HMCN2: variants seen among roughly 807,000 people sequenced by gnomAD.
The protein encoded by HMCN2 is hemicentin 2, also known as hemicentin-2.
Under a neutral mutation model 377.5 loss-of-function variants are expected in HMCN2, and 325 were observed. The ratio of observed to expected loss-of-function variants is 0.86; its 90% CI spans 0.79 to 0.94. The LOEUF (loss-of-function observed/expected upper bound fraction) is 0.94. Ranked by LOEUF, HMCN2 falls within the 40% of genes least tolerant of loss-of-function variation. The probability of loss-of-function intolerance (pLI) is 0.00; values close to 1 mark genes in which losing one functional copy is unlikely to be tolerated. For missense variants in HMCN2, 4,543 were observed against 4,725.3 expected, an observed-to-expected ratio of 0.96 and a Z score of 1.13; for synonymous variants, 2,007 against 2,046.8, an observed-to-expected ratio of 0.98 and a Z score of 0.53.
At chr9:130,293,307 CTTG>C (rs1478118481) in intron 4 of HMCN2, among the ~76,000 whole-genome samples, 2 of 28,838 alleles carry the variant, frequency 6.9e-5, no homozygotes, top group African/African-American at 3.6e-4. Flanking sequence ...TTTTGCGGTT[CTTG>C]TTGTCCTCCT....
rs982696434 is a variant in HMCN2 at position 130,369,747 on chromosome 9, G to A, written c.6965G>A (p.Ser2322Asn). 4.1e-6 allele frequency: 4 copies of A among 985,976 alleles called. No homozygotes were observed. The highest frequency in any genetic ancestry group is 1.7e-5 in the African/African-American group (1 of 57,392). The allele number at this position is 985,976 out of a possible 1,614,324, so 61.1% of individuals were successfully genotyped here. The change falls in exon 45 of 98, where the codon AGC becomes AAC. Residue 2322 changes from serine to asparagine, a missense_variant. By Grantham distance (46) the Ser-to-Asn change is conservative. This residue lies in a region of HMCN2 where 1,032 missense variants were observed against 1,285.1 expected (regional missense o/e 0.80). Transcript: ENST00000683500. This position sits in a 1 kb window ranked among gnomAD's most constrained non-coding sequence, Gnocchi z 4.5. Reference sequence around the variant, plus strand: ...CTGCAGCTGCAGAACCAGGGTCAGAGCCTGCATGTGGAGCGGGCCCAGGCT... The same window carrying A: ...CTGCAGCTGCAGAACCAGGGTCAGAACCTGCATGTGGAGCGGGCCCAGGCT... ...LGLQLQNQGQ[S>N]LHVERAQAAH...
At chr9:130,267,476 A>ACACACACACACACGCG (rs1265312371) in intron 1 of HMCN2, among the ~76,000 whole-genome samples, 1 of 149,818 alleles carries the variant, frequency 6.7e-6, no homozygotes, top group African/African-American at 2.5e-5. Flanking sequence ...ACACACACAC[A>ACACACACACACACGCG]CGCACAGATT....
intron 85 of HMCN2, among the ~76,000 whole-genome samples, chr9:130,412,000 C>G (rs776172709): frequency 5.3e-5 from 8 of 152,206 alleles, no homozygotes; most frequent in African/African-American, 9.6e-5. Context: ...GAGACAGGGT[C>G]TGGCTCTGTT....
At chr9:130,314,240 G>T (rs1837423197) in intron 15 of HMCN2, among the ~76,000 whole-genome samples, 1 of 152,200 alleles carries the variant, frequency 6.6e-6, no homozygotes, top group African/African-American at 2.4e-5. Context: ...GGGAGTTGGG[G>T]AGAAATGGGC....
intron 48 of HMCN2, among the ~76,000 whole-genome samples, chr9:130,373,493 C>T (rs1450939786): frequency 1.3e-5 from 2 of 151,768 alleles, no homozygotes; most frequent in African/African-American, 4.8e-5. Flanking sequence ...TCTTGAAGAC[C>T]CAGCTGCTGC....
At chr9:130,426,239 C>T (rs1844355442) in intron 90 of HMCN2, among the ~76,000 whole-genome samples, 1 of 152,220 alleles carries the variant, frequency 6.6e-6, no homozygotes, top group Non-Finnish European at 1.5e-5. Flanking sequence ...CCGCCCTCTT[C>T]TCCCGAGGGC....
intron 1 of HMCN2, among the ~76,000 whole-genome samples, chr9:130,281,820 G>A (rs1172230334): frequency 6.6e-6 from 1 of 150,976 alleles, no homozygotes; most frequent in African/African-American, 2.4e-5. Flanking sequence ...AACCCAGGAG[G>A]CGGAGGCTGC....
Position 130,433,750 on chromosome 9 carries a change from G to T in HMCN2, c.*57G>T. The T allele has an allele frequency of 7.5e-7, 1 of 1,326,508 alleles. No individual in the cohort carries two copies. The allele number at this position is 1,326,508 out of a possible 1,614,324, so 82.2% of individuals were successfully genotyped here. On this transcript the variant is annotated 3_prime_UTR_variant, in exon 98 of 98. Transcript: ENST00000683500. Reference sequence around the variant, plus strand: ...TGACCCCCGAGGAAGGGGTCGAGGAGAAGCTTGGTCCACGCCACCTGCTGT... The same window carrying T: ...TGACCCCCGAGGAAGGGGTCGAGGATAAGCTTGGTCCACGCCACCTGCTGT...
intron 59 of HMCN2, 121 bp from the exon 60 acceptor site, chr9:130,385,439 G>T: frequency 1.8e-6 from 1 of 556,050 alleles, no homozygotes; most frequent in South Asian, 1.8e-5. Context: ...GTCTGCGCCA[G>T]CCCCCGGGGC....
intron 77 of HMCN2, 59 bp downstream of exon 77, chr9:130,401,006 A>AG: frequency 1.6e-6 from 2 of 1,224,076 alleles, no homozygotes; most frequent in Non-Finnish European, 1.1e-6. Flanking sequence ...GAGCAGGCAG[A>AG]GGGGGTGAAA....
intron 16 of HMCN2, 127 bp from the exon 17 acceptor site, chr9:130,320,229 C>T (rs1174167331): frequency 6.6e-6 from 1 of 152,442 alleles, no homozygotes; most frequent in Non-Finnish European, 1.5e-5. Flanking sequence ...CCCAGCCTTC[C>T]CTCCTGAACC....
At chr9:130,277,118 C>T (rs544236302) in intron 1 of HMCN2, among the ~76,000 whole-genome samples, 78 of 152,358 alleles carry the variant, frequency 5.1e-4, no homozygotes, top group African/African-American at 1.9e-3. Flanking sequence ...TCCACCCATG[C>T]GTGCTCCTCA....
chr9:130,427,258 A>G, intron 90 of HMCN2, 55 bp from the exon 91 acceptor site: 10 of 1,526,598 alleles, frequency 6.6e-6, no homozygotes, highest in Non-Finnish European at 8.9e-6. Context: ...TGGCCAGGGC[A>G]GCCTTGGGAG....
intron 28 of HMCN2, 71 bp downstream of exon 28, chr9:130,349,202 CG>C: frequency 8.0e-7 from 1 of 1,257,796 alleles, no homozygotes. Context: ...GCAGGCACAC[CG>C]GGGGAGAGGG....
intron 85 of HMCN2, among the ~76,000 whole-genome samples, chr9:130,410,985 G>T (rs1382883708): frequency 6.6e-6 from 1 of 152,170 alleles, no homozygotes; most frequent in African/African-American, 2.4e-5. Context: ...ACACTGTGAA[G>T]TTGTCTCAAT....
At chr9:130,432,141 C>A (rs1317388672) in intron 96 of HMCN2, among the ~76,000 whole-genome samples, 1 of 152,232 alleles carries the variant, frequency 6.6e-6, no homozygotes, top group Non-Finnish European at 1.5e-5. Context: ...GCAAAGCAGC[C>A]ACCCAGGGAA....
intron 4 of HMCN2, among the ~76,000 whole-genome samples, chr9:130,287,333 G>A (rs10988677): frequency 0.14 from 21,523 of 151,824 alleles, 1,939 homozygotes; most frequent in South Asian, 0.2. Flanking sequence ...CTCCCCGCCC[G>A]GGGCCTTTGC....
Position 130,384,806 on chromosome 9 carries a change from C to G in HMCN2, c.9106+8C>G, listed in dbSNP as rs190519441. 6 of 1,298,794 alleles carry G rather than the reference C, an allele frequency of 4.6e-6. No homozygotes were observed. The Admixed American group carries it at 6.9e-5, about 15-fold the overall frequency. 80.5% of individuals were successfully genotyped at this position (1,298,794 alleles called of 1,614,324 possible). On this transcript the variant is annotated splice_region_variant and intron_variant, in intron 59 of 97. Coordinates refer to ENST00000683500, the MANE Select transcript of HMCN2 (RefSeq NM_001291815.2). ...TGCAGCTCAGTGTTCTGGGTATGTC[C>G]ATGTCTGTCCCCAACTTGTACTGTC...
At chr9:130,337,850 G>C (rs1588264564) in intron 22 of HMCN2, 44 bp from the exon 23 acceptor site, 1 of 151,608 alleles carries the variant, frequency 6.6e-6, no homozygotes, top group East Asian at 2.0e-4. Flanking sequence ...TTTCCATGGG[G>C]GTGGGGTCAG....
Sources: gnomAD v4.1 joint callset for allele counts (sites outside exome capture counted in the v4.1 genomes callset) on GRCh38, gnomAD v4.1.1 for gene constraint, gnomAD v4.1.1 regional missense constraint, Gnocchi (gnomAD v3.1) non-coding constraint, MANE v1.5 for transcripts, NCBI Gene and HGNC (gene_info 2026-07-23, HGNC 2026-07-21) for gene names.